CNTNAP2: variants seen among roughly 807,000 people sequenced by gnomAD.
CNTNAP2 encodes contactin-associated protein-like 2.
In CNTNAP2, 98 loss-of-function variants were observed where a neutral mutation model predicts 155.2. The observed-to-expected ratio is 0.63, with a 90% confidence interval of 0.54 to 0.75. The LOEUF is 0.75. CNTNAP2 is among the 30% of genes least tolerant of loss of function. The pLI, the probability that CNTNAP2 is intolerant of heterozygous loss-of-function variation, is 0.00. For missense variants in CNTNAP2, 1,727 were observed against 1,688.1 expected, an observed-to-expected ratio of 1.02 and a Z score of -0.40; for synonymous variants, 651 against 631.2, an observed-to-expected ratio of 1.03 and a Z score of -0.47.
Position 147,105,360 on chromosome 7 carries a change from A to G in CNTNAP2, c.551-2787A>G, listed in dbSNP as rs1197606494. ...TTTTGCATTCATTTTTTGACTAGCC[A>G]TTATTGTTCAGATTGCTTAAACAGT... On this transcript the variant is annotated intron_variant, in intron 4 of 23. Transcript: ENST00000361727. 2.6e-5 allele frequency among the ~76,000 whole-genome samples: 4 copies of G among 152,114 alleles called. No individual in the cohort carries two copies. The South Asian group carries it at 6.2e-4, about 24-fold the overall frequency.
At chr7:146,772,967 G>C (rs887069446) in intron 1 of CNTNAP2, among the ~76,000 whole-genome samples, 2 of 152,152 alleles carry the variant, frequency 1.3e-5, no homozygotes, top group African/African-American at 4.8e-5. Context: ...ACAGTCTTTT[G>C]TAACAGTGAT....
chr7:146,631,263 G>T (rs1473290833), intron 1 of CNTNAP2, among the ~76,000 whole-genome samples: 1 of 152,048 alleles, frequency 6.6e-6, no homozygotes, highest in Non-Finnish European at 1.5e-5. Context: ...TTTTTCGACT[G>T]CATTTGAAAG....
intron 1 of CNTNAP2, among the ~76,000 whole-genome samples, chr7:146,640,640 C>A (rs954487794): frequency 6.6e-6 from 1 of 152,142 alleles, no homozygotes; most frequent in Non-Finnish European, 1.5e-5. Context: ...TCCTTTTTGG[C>A]GAAGGTTATC....
intron 8 of CNTNAP2, among the ~76,000 whole-genome samples, chr7:147,270,603 T>C (rs1261577685): frequency 3.9e-5 from 6 of 152,168 alleles, no homozygotes; most frequent in Admixed American, 1.3e-4. Context: ...GGCCACACAA[T>C]AGACCTAGGG....
At chr7:147,980,092 T>C (rs1465472929) in intron 15 of CNTNAP2, among the ~76,000 whole-genome samples, 3 of 152,192 alleles carry the variant, frequency 2.0e-5, no homozygotes, top group African/African-American at 7.2e-5. Context: ...CTTTCCTAGG[T>C]GCTCTGGAAA....
chr7:146,790,625 A>G (rs999949452), intron 2 of CNTNAP2, among the ~76,000 whole-genome samples: 1 of 148,060 alleles, frequency 6.8e-6, no homozygotes, highest in Non-Finnish European at 1.5e-5. Context: ...GCTGGAGTGC[A>G]GTGGCGCGAT....
intron 14 of CNTNAP2, among the ~76,000 whole-genome samples, chr7:147,938,031 G>A (rs1296472928): frequency 6.6e-6 from 1 of 152,124 alleles, no homozygotes; most frequent in Non-Finnish European, 1.5e-5. Flanking sequence ...TGGGGGAAAT[G>A]ACTTTCAGCA....
At chr7:146,281,792 T>TA (rs112028494) in intron 1 of CNTNAP2, among the ~76,000 whole-genome samples, 8,583 of 140,258 alleles carry the variant, frequency 0.061, 715 homozygotes, top group African/African-American at 0.19. Context: ...AGATTCCATC[T>TA]AAAAAAAAAA....
At chr7:147,913,295 C>G (rs536886064) in intron 14 of CNTNAP2, among the ~76,000 whole-genome samples, 85 of 152,282 alleles carry the variant, frequency 5.6e-4, no homozygotes, top group Middle Eastern at 3.4e-3. Context: ...AAGGAATATT[C>G]CATTTTAATT....
At chr7:147,408,223 A>C (rs1797042375) in intron 10 of CNTNAP2, among the ~76,000 whole-genome samples, 1 of 152,210 alleles carries the variant, frequency 6.6e-6, no homozygotes, top group Non-Finnish European at 1.5e-5. Context: ...CACAAACGCC[A>C]AAATCAAAGT....
chr7:146,277,402 A>G (rs1360977349), intron 1 of CNTNAP2, among the ~76,000 whole-genome samples: 1 of 152,320 alleles, frequency 6.6e-6, no homozygotes, highest in African/African-American at 2.4e-5. Flanking sequence ...TGTTACATTG[A>G]ACAAGGAACT....
intron 4 of CNTNAP2, among the ~76,000 whole-genome samples, chr7:147,047,745 C>A (rs182905685): frequency 1.0e-3 from 154 of 152,160 alleles, no homozygotes; most frequent in Non-Finnish European, 2.8e-4. Context: ...CTGTCATGGG[C>A]TTTTCCATCA....
intron 13 of CNTNAP2, among the ~76,000 whole-genome samples, chr7:147,641,018 T>C (rs1795266462): frequency 6.6e-6 from 1 of 152,326 alleles, no homozygotes; most frequent in Admixed American, 6.5e-5. Flanking sequence ...GCGGCCATGT[T>C]GCCAGGCACA....
At chr7:147,871,334 G>C (rs1238369879) in intron 13 of CNTNAP2, among the ~76,000 whole-genome samples, 3 of 152,160 alleles carry the variant, frequency 2.0e-5, no homozygotes, top group Non-Finnish European at 1.5e-5. Context: ...TGACCTGAAG[G>C]CCACATTCCT....
At chr7:147,801,639 G>T (rs1797988391) in intron 13 of CNTNAP2, among the ~76,000 whole-genome samples, 1 of 151,896 alleles carries the variant, frequency 6.6e-6, no homozygotes, top group South Asian at 2.1e-4. Flanking sequence ...CAGGGTTGGG[G>T]GTAAGGTCAC....
intron 13 of CNTNAP2, among the ~76,000 whole-genome samples, chr7:147,832,246 A>AAATTATACATTTAATTATATAAACATTT (rs1798561987): frequency 6.9e-6 from 1 of 144,370 alleles, no homozygotes; most frequent in Non-Finnish European, 1.5e-5. Flanking sequence ...ACATTTAATT[A>AAATTATACATTTAATTATATAAACATTT]AATTATACAT....
intron 15 of CNTNAP2, among the ~76,000 whole-genome samples, chr7:148,022,940 C>G (rs1271587415): frequency 6.6e-6 from 1 of 152,168 alleles, no homozygotes; most frequent in African/African-American, 2.4e-5. Flanking sequence ...CCCTGTGACA[C>G]TGCCTGTACA....
At chr7:146,483,282 A>AATATATATATATAT (rs200796835) in intron 1 of CNTNAP2, among the ~76,000 whole-genome samples, 3 of 39,876 alleles carry the variant, frequency 7.5e-5, no homozygotes, top group East Asian at 1.1e-3. Context: ...TCTAAAAAAA[A>AATATATATATATAT]ATATATATAT....
chr7:147,896,798 A>G (rs1157821754), intron 13 of CNTNAP2, among the ~76,000 whole-genome samples: 1 of 152,178 alleles, frequency 6.6e-6, no homozygotes, highest in Non-Finnish European at 1.5e-5. Context: ...TAGTCCTACA[A>G]AGGCAATCTA....
Sources: allele counts gnomAD v4.1 joint callset (sites outside exome capture counted in the v4.1 genomes callset), GRCh38; gene constraint gnomAD v4.1.1; transcripts MANE v1.5; gene names NCBI Gene and HGNC (gene_info 2026-07-23, HGNC 2026-07-21).